Variants in CADPS observed in about 807,000 individuals in gnomAD.
CADPS encodes calcium-dependent secretion activator 1.
In CADPS, 57 loss-of-function variants were observed where a neutral mutation model predicts 167.3. That is an observed-to-expected ratio of 0.34 (90% CI 0.28 to 0.42). CADPS has a LOEUF of 0.42. Among genes scored for constraint, CADPS ranks in the 20% least tolerant of loss-of-function variants. CADPS has a pLI of 1.00. For synonymous variants in CADPS, 676 were observed against 635.3 expected (o/e 1.06, Z -0.96); for missense variants, 1,414 against 1,738.1 (o/e 0.81, Z 3.32).
In CADPS at chr3:62,621,920, T is replaced by G. The variant is rs2063245961; in HGVS notation, c.1325+23802A>C. Among the ~76,000 whole-genome samples the G allele has an allele frequency of 2.7e-5, 4 of 150,180 alleles. No homozygotes were observed. The South Asian group carries it at 8.4e-4, about 32-fold the overall frequency. ...TTCTTTTTTTTTTTTAAATTTAGAG[T>G]TTTTATTTCATCTGGAGCCTGCCTT... On this transcript the variant is annotated intron_variant, in intron 6 of 29. Coordinates refer to ENST00000383710, the MANE Select transcript of CADPS (RefSeq NM_003716.4).
At chr3:62,666,985 CA>C (rs1196742426) in intron 3 of CADPS, among the ~76,000 whole-genome samples, 2 of 149,154 alleles carry the variant, frequency 1.3e-5, no homozygotes, top group Non-Finnish European at 3.0e-5. Context: ...GACAAAATGA[CA>C]AAATGTGCTG....
intron 1 of CADPS, among the ~76,000 whole-genome samples, chr3:62,861,201 C>T (rs951769838): frequency 6.6e-6 from 1 of 152,164 alleles, no homozygotes; most frequent in East Asian, 1.9e-4. Context: ...TAGGTTCAAC[C>T]ATATGAGCTT....
intron 2 of CADPS, among the ~76,000 whole-genome samples, chr3:62,758,114 T>G (rs2084451977): frequency 6.6e-6 from 1 of 152,206 alleles, no homozygotes; most frequent in African/African-American, 2.4e-5. Flanking sequence ...CCTTCCTTTG[T>G]ACATAGTAGC....
chr3:62,604,655 C>T (rs1314920839), intron 6 of CADPS, among the ~76,000 whole-genome samples: 3 of 152,216 alleles, frequency 2.0e-5, no homozygotes, highest in African/African-American at 7.2e-5. Flanking sequence ...GTGTTGCCTT[C>T]TCTGAAATGG....
At chr3:62,590,402 A>G (rs566660601) in intron 7 of CADPS, among the ~76,000 whole-genome samples, 3 of 152,208 alleles carry the variant, frequency 2.0e-5, no homozygotes, top group African/African-American at 7.2e-5. Flanking sequence ...CTTCCACTCT[A>G]TGTGTGTCTC....
chr3:62,870,464 A>G (rs2082426452), intron 1 of CADPS, among the ~76,000 whole-genome samples: 2 of 152,282 alleles, frequency 1.3e-5, no homozygotes, highest in South Asian at 4.1e-4. Flanking sequence ...GTCTTGCCCA[A>G]ATAAGCCCAA....
chr3:62,422,614 C>T (rs938795373), intron 28 of CADPS, among the ~76,000 whole-genome samples: 1 of 151,978 alleles, frequency 6.6e-6, no homozygotes, highest in African/African-American at 2.4e-5. Flanking sequence ...TTGGTGATAC[C>T]TGATCTCAAA....
chr3:62,825,261 C>A (rs1004218055), intron 1 of CADPS, among the ~76,000 whole-genome samples: 2 of 152,052 alleles, frequency 1.3e-5, no homozygotes, highest in African/African-American at 4.8e-5. Flanking sequence ...TGGGTGAATA[C>A]CCAAAGTCAG....
At chr3:62,618,466 T>G (rs1054406245) in intron 6 of CADPS, among the ~76,000 whole-genome samples, 1 of 152,188 alleles carries the variant, frequency 6.6e-6, no homozygotes, top group East Asian at 1.9e-4. Flanking sequence ...AATTTACCCA[T>G]GTAACAAATC....
In CADPS at chr3:62,416,456, T is replaced by C. The variant is rs181383372; in HGVS notation, c.3778-13271A>G. ...TTTAAACGGTGACATATACTTGGAC[T>C]GGAAAGCTCCAAATAGAGTCGACTC... On this transcript the variant is annotated intron_variant, in intron 28 of 29. Coordinates refer to ENST00000383710, the MANE Select transcript of CADPS (RefSeq NM_003716.4). 4.8e-4 allele frequency among the ~76,000 whole-genome samples: 73 copies of C among 152,336 alleles called. No homozygotes were observed. The East Asian group carries it at 0.01, about 21-fold the overall frequency.
chr3:62,502,543 A>G (rs972946208), intron 17 of CADPS, among the ~76,000 whole-genome samples: 3 of 152,134 alleles, frequency 2.0e-5, no homozygotes, highest in Non-Finnish European at 4.4e-5. Flanking sequence ...CATATGTCAG[A>G]CATAGCTAGA....
chr3:62,858,279 G>A (rs76244999), intron 1 of CADPS, among the ~76,000 whole-genome samples: 4,191 of 152,226 alleles, frequency 0.028, 74 homozygotes, highest in Non-Finnish European at 0.04. Context: ...CTTGGCTTCA[G>A]CCTAAATTGA....
chr3:62,794,338 C>G (rs1365936365), intron 1 of CADPS, among the ~76,000 whole-genome samples: 2 of 152,156 alleles, frequency 1.3e-5, no homozygotes, highest in Non-Finnish European at 2.9e-5. Context: ...TGAACTGCTC[C>G]TTTAAGCACT....
chr3:62,593,480 A>G (rs1442902144), intron 6 of CADPS, among the ~76,000 whole-genome samples: 3 of 152,060 alleles, frequency 2.0e-5, no homozygotes, highest in Non-Finnish European at 2.9e-5. Flanking sequence ...TCTTACAGAG[A>G]ATTCATCTCT....
chr3:62,835,524 G>T (rs1441513435), intron 1 of CADPS, among the ~76,000 whole-genome samples: 1 of 152,136 alleles, frequency 6.6e-6, no homozygotes, highest in African/African-American at 2.4e-5. Context: ...AAAACATGGG[G>T]CCTTGTAAAT....
chr3:62,612,529 G>C (rs971340894), intron 6 of CADPS, among the ~76,000 whole-genome samples: 1 of 152,182 alleles, frequency 6.6e-6, no homozygotes, highest in African/African-American at 2.4e-5. Context: ...GGTCTCACAG[G>C]CTTCTGAACC....
chr3:62,596,981 C>T (rs982114341), intron 6 of CADPS, among the ~76,000 whole-genome samples: 1 of 152,162 alleles, frequency 6.6e-6, no homozygotes, highest in African/African-American at 2.4e-5. Context: ...TAAAAATTAT[C>T]AGTAATAAGC....
intron 21 of CADPS, among the ~76,000 whole-genome samples, chr3:62,490,261 C>G (rs1344207199): frequency 2.6e-5 from 4 of 151,830 alleles, no homozygotes; most frequent in Admixed American, 2.6e-4. Flanking sequence ...TTTGCTGCAT[C>G]CCAAAGATGT....
intron 17 of CADPS, among the ~76,000 whole-genome samples, chr3:62,502,669 CA>C (rs1427015594): frequency 2.6e-5 from 4 of 152,024 alleles, no homozygotes; most frequent in African/African-American, 9.7e-5. Flanking sequence ...AACAAAATTT[CA>C]AGAAGAAAGG....
Sources: allele counts gnomAD v4.1 joint callset (sites outside exome capture counted in the v4.1 genomes callset), GRCh38; gene constraint gnomAD v4.1.1; transcripts MANE v1.5; gene names NCBI Gene and HGNC (gene_info 2026-07-23, HGNC 2026-07-21).